DCP1A: variants seen among roughly 807,000 people sequenced by gnomAD.
DCP1A encodes mRNA-decapping enzyme 1A.
Under a neutral mutation model 58.0 loss-of-function variants are expected in DCP1A, and 20 were observed. That is an observed-to-expected ratio of 0.34 (90% CI 0.24 to 0.50). The LOEUF is 0.50. Among genes scored for constraint, DCP1A ranks in the 20% least tolerant of loss-of-function variants. DCP1A has a pLI of 0.98. For synonymous variants in DCP1A, 285 were observed against 275.1 expected (o/e 1.04, Z -0.36); for missense variants, 613 against 712.2 (o/e 0.86, Z 1.59).
At chr3:53,305,570 G>C (rs1281637440) in intron 5 of DCP1A, among the ~76,000 whole-genome samples, 1 of 151,884 alleles carries the variant, frequency 6.6e-6, no homozygotes, top group African/African-American at 2.4e-5. Context: ...GGCTGGTCTC[G>C]AACTCCTGAC....
At chr3:53,287,772 T>C in intron 9 of DCP1A, 112 bp from the exon 10 acceptor site, 1 of 759,608 alleles carries the variant, frequency 1.3e-6, no homozygotes, top group Non-Finnish European at 2.3e-6. Flanking sequence ...GTATAACTGA[T>C]AATCCCACCA....
intron 6 of DCP1A, among the ~76,000 whole-genome samples, chr3:53,293,650 G>C (rs1397414525): frequency 6.6e-6 from 1 of 152,146 alleles, no homozygotes; most frequent in Admixed American, 6.5e-5. Context: ...TAGTTGTTTA[G>C]ATCTGTTTAT....
At chr3:53,317,172 T>G (rs1157218435) in intron 4 of DCP1A, among the ~76,000 whole-genome samples, 3 of 152,078 alleles carry the variant, frequency 2.0e-5, no homozygotes, top group Admixed American at 1.3e-4. Context: ...TGTTGTTGTT[T>G]TTGTTTTTTT....
chr3:53,338,559 G>A, intron 3 of DCP1A, among the ~76,000 whole-genome samples: 1 of 151,960 alleles, frequency 6.6e-6, no homozygotes, highest in Non-Finnish European at 1.5e-5. Context: ...AGATGGGCAT[G>A]TTTTATAAAG....
rs534019000 is a variant in DCP1A at position 53,335,451 on chromosome 3, A to G, written c.304+6693T>C. Among the ~76,000 whole-genome samples the G allele has an allele frequency of 5.9e-5, 9 of 152,154 alleles. No individual in the cohort carries two copies. In the South Asian group the frequency reaches 1.9e-3, roughly 32 times the overall value. ...GCCATAGTGTCCGGCTAATATTTCT[A>G]TGTTTTATGCTTGGAGCTCATTCTA... On this transcript the variant is annotated intron_variant, in intron 3 of 9. Coordinates refer to ENST00000610213, the MANE Select transcript of DCP1A (RefSeq NM_018403.7).
At chr3:53,291,424 C>A (rs1196863209) in intron 7 of DCP1A, among the ~76,000 whole-genome samples, 1 of 151,014 alleles carries the variant, frequency 6.6e-6, no homozygotes, top group South Asian at 2.1e-4. Context: ...AGGTCTTATT[C>A]ATTCTATTTT....
At chr3:53,310,470 G>C (rs1707610711) in intron 5 of DCP1A, among the ~76,000 whole-genome samples, 1 of 152,140 alleles carries the variant, frequency 6.6e-6, no homozygotes, top group South Asian at 2.1e-4. Context: ...TGTCCCGTGT[G>C]GTACCTTGAT....
intron 3 of DCP1A, among the ~76,000 whole-genome samples, chr3:53,325,178 A>ATCTTGAGAGAGGT (rs1182191727): frequency 1.1e-4 from 16 of 152,356 alleles, no homozygotes; most frequent in African/African-American, 3.6e-4. Flanking sequence ...ACTGTTTCTC[A>ATCTTGAGAGAGGT]TCTTGAGAGA....
chr3:53,311,542 A>T lies in DCP1A; in HGVS notation c.510+699T>A, dbSNP rs147559575. Among the ~76,000 whole-genome samples the T allele has an allele frequency of 5.7e-3, 865 of 152,308 alleles. 33 individuals are homozygous for T. Among genetic ancestry groups the T allele is most frequent in the Admixed American group, 0.048 (730 of 15,286 alleles). ...ATTTTATCAGCTAATTTATAAACTAAAATGCACAACAGAAGAGAAAGAAAA... is the reference window on the plus strand; with the variant it reads ...ATTTTATCAGCTAATTTATAAACTATAATGCACAACAGAAGAGAAAGAAAA... On this transcript the variant is annotated intron_variant, in intron 5 of 9. Coordinates refer to ENST00000610213, the MANE Select transcript of DCP1A (RefSeq NM_018403.7).
At position 53,294,251 on chromosome 3, in the gene DCP1A, A is replaced by G. The variant is rs192626332; in HGVS notation, c.625-1424T>C. ...CACTTGGTCGGCCACATAAAGGACAAATTGTAGGGGTGAGATTGAGGAGAG... is the reference window on the plus strand; with the variant it reads ...CACTTGGTCGGCCACATAAAGGACAGATTGTAGGGGTGAGATTGAGGAGAG... On this transcript the variant is annotated intron_variant, in intron 6 of 9. Coordinates refer to ENST00000610213, the MANE Select transcript of DCP1A (RefSeq NM_018403.7). Among the ~76,000 whole-genome samples, 5 of 152,304 alleles carry G rather than the reference A, an allele frequency of 3.3e-5. 1 individual carries two copies. The East Asian group carries it at 9.6e-4, about 29-fold the overall frequency.
In DCP1A at chr3:53,319,967, T is replaced by C. The variant is rs541713993; in HGVS notation, c.305-494A>G. ...CAACATAGGTGAAACCCGTCTCTAC[T>C]AAAAATACAAAAATTAGCCAGCTGT... is the stretch of plus-strand genomic sequence containing the variant. On this transcript the variant is annotated intron_variant, in intron 3 of 9. Coordinates refer to ENST00000610213, the MANE Select transcript of DCP1A (RefSeq NM_018403.7). 6.6e-5 allele frequency among the ~76,000 whole-genome samples: 10 copies of C among 151,970 alleles called. No homozygotes were observed. In the East Asian group the frequency reaches 1.9e-3, roughly 29 times the overall value.
intron 1 of DCP1A, among the ~76,000 whole-genome samples, chr3:53,346,190 G>A (rs782726646): frequency 1.2e-4 from 19 of 152,134 alleles, no homozygotes; most frequent in South Asian, 2.1e-4. Flanking sequence ...TCAAACTAAG[G>A]CAATGTCTAA....
chr3:53,303,953 T>C (rs1707387287), intron 6 of DCP1A, among the ~76,000 whole-genome samples: 1 of 152,146 alleles, frequency 6.6e-6, no homozygotes, highest in African/African-American at 2.4e-5. Flanking sequence ...GGGTTAAGAA[T>C]AGGTAAGAAG....
At chr3:53,344,756 G>C (rs569605351) in intron 2 of DCP1A, 146 bp downstream of exon 2, 12 of 546,174 alleles carry the variant, frequency 2.2e-5, no homozygotes, top group African/African-American at 2.2e-4. Flanking sequence ...AAAGAACCTG[G>C]TTAAGATTTC....
chr3:53,342,176 T>C lies in DCP1A; in HGVS notation c.272A>G (p.His91Arg), dbSNP rs1356509985. 3.1e-6 allele frequency: 5 copies of C among 1,604,262 alleles called. No homozygotes were observed. Among genetic ancestry groups the C allele is most frequent in the Non-Finnish European group, 3.4e-6 (4 of 1,174,476 alleles). ...ATTTCTATACAGAAGAAATGGTTCA[T>C]GGAGCTGAAATTCCAAATCTTTATT... ...PVNKDLEFQL[H>R]EPFLLYRNAS... is the part of the protein sequence containing the mutation. The change falls in exon 3 of 10, where the codon CAT becomes CGT. Residue 91 changes from histidine (H) to arginine (R), a missense_variant. By Grantham distance (29) the His-to-Arg change is conservative. This residue lies in a region of DCP1A where 65 missense variants were observed against 118.5 expected (regional missense o/e 0.55). Coordinates refer to ENST00000610213, the MANE Select transcript of DCP1A (RefSeq NM_018403.7).
At chr3:53,326,752 C>T (rs1004635818) in intron 3 of DCP1A, among the ~76,000 whole-genome samples, 10 of 152,188 alleles carry the variant, frequency 6.6e-5, no homozygotes, top group Non-Finnish European at 1.0e-4. Flanking sequence ...CAGGCTCCCA[C>T]TGATTCTACA....
Position 53,292,367 on chromosome 3 carries a change from T to C in DCP1A, c.1085A>G (p.Glu362Gly). Residue 362 changes from glutamate to glycine, a missense_variant, in exon 7 of 10, where the codon GAG becomes GGG. Physicochemically the swap from Glu to Gly is moderately conservative, Grantham distance 98. Coordinates refer to ENST00000610213, the MANE Select transcript of DCP1A (RefSeq NM_018403.7). The stretch of plus-strand genomic sequence containing the variant: ...GGCAATCAGACTGGCATGGCTTAGC[T>C]CAGGGACTGGCTGGTTCAGGAGTGG... The part of the protein sequence containing the change: ...RSPLLNQPVP[E>G]LSHASLIANQ... 1 of 1,613,238 alleles carries C rather than the reference T, an allele frequency of 6.2e-7. No homozygotes were observed. The highest frequency in any genetic ancestry group is 1.7e-4 in the Middle Eastern group (1 of 6,056).
At position 53,286,390 on chromosome 3, in the gene DCP1A, T is replaced by C. The variant is rs1203175811; in HGVS notation, c.*1190A>G. On this transcript the variant is annotated 3_prime_UTR_variant, in exon 10 of 10. Coordinates refer to ENST00000610213, the MANE Select transcript of DCP1A (RefSeq NM_018403.7). ...TTCAAAGAATATCTTAAAATTACTA[T>C]TGCTGAAATAAATCAAAATCTACAT... The C allele has an allele frequency of 1.3e-5, 2 of 152,232 alleles. No homozygotes were observed. Among genetic ancestry groups the C allele is most frequent in the African/African-American group, 4.8e-5 (2 of 41,464 alleles). 9.4% of individuals were successfully genotyped at this position (152,232 alleles called of 1,614,324 possible). A position where few individuals can be genotyped will look rare whatever the true frequency, so the allele number is the denominator to read the frequency against.
rs782318121 is a variant in DCP1A, at chr3:53,344,868, G to A, written c.176+34C>T. ...GTTTCACATTGTTCACCACTAGACT[G>A]TTAAAAACAAATATACATATTTTAA... is the stretch of plus-strand genomic sequence containing the variant. On this transcript the variant is annotated intron_variant, in intron 2 of 9. Transcript: ENST00000610213. The A allele has an allele frequency of 8.6e-6, 13 of 1,514,446 alleles. No homozygotes were observed. The East Asian group carries it at 2.5e-4, about 29-fold the overall frequency. The allele number at this position is 1,514,446 out of a possible 1,614,324, so 93.8% of individuals were successfully genotyped here.
Sources: allele counts gnomAD v4.1 joint callset (sites outside exome capture counted in the v4.1 genomes callset), GRCh38; gene constraint gnomAD v4.1.1; regional missense constraint gnomAD v4.1.1; transcripts MANE v1.5; gene names NCBI Gene and HGNC (gene_info 2026-07-23, HGNC 2026-07-21).